The following ATP6V1C1 variants were observed in gnomAD, a reference collection of about 807,000 sequenced individuals.
ATP6V1C1 encodes ATPase H+ transporting V1 subunit C1, also known as V-type proton ATPase subunit C 1.
In ATP6V1C1, 45 loss-of-function variants were observed where a neutral mutation model predicts 53.9. The observed-to-expected ratio is 0.83, with a 90% CI of 0.66 to 1.07. The LOEUF (loss-of-function observed/expected upper bound fraction) is 1.07. Among genes scored for constraint, ATP6V1C1 ranks in the 50% least tolerant of loss-of-function variants. The pLI, the probability that ATP6V1C1 is intolerant of heterozygous loss-of-function variation, is 0.00. For synonymous variants in ATP6V1C1, 153 were observed against 155.2 expected (o/e 0.99, Z 0.11); for missense variants, 315 against 440.3 (o/e 0.72, Z 2.55).
intron 8 of ATP6V1C1, among the ~76,000 whole-genome samples, chr8:103,061,655 C>T (rs1817400293): frequency 6.6e-6 from 1 of 152,084 alleles, no homozygotes; most frequent in South Asian, 2.1e-4. Context: ...TGCGTATGTC[C>T]ACACTTCAGA....
At chr8:103,055,762 A>C (rs984958463) in intron 7 of ATP6V1C1, 106 bp from the exon 8 acceptor site, 4 of 1,028,870 alleles carry the variant, frequency 3.9e-6, no homozygotes, top group Non-Finnish European at 5.7e-6. Context: ...AAGTATACTT[A>C]CTATAGCCAG....
chr8:103,024,773 T>A (rs551083827), intron 1 of ATP6V1C1, among the ~76,000 whole-genome samples: 6 of 152,328 alleles, frequency 3.9e-5, no homozygotes, highest in South Asian at 2.1e-4. Flanking sequence ...TTGACATGAG[T>A]GATTCTTGGA....
intron 1 of ATP6V1C1, among the ~76,000 whole-genome samples, chr8:103,031,702 A>G (rs1016384963): frequency 3.3e-5 from 5 of 152,190 alleles, no homozygotes; most frequent in Non-Finnish European, 7.3e-5. Flanking sequence ...TCTGGGGAGG[A>G]CAGACATCCA....
At chr8:103,031,660 A>G (rs1236345749) in intron 1 of ATP6V1C1, among the ~76,000 whole-genome samples, 2 of 152,218 alleles carry the variant, frequency 1.3e-5, no homozygotes, top group Non-Finnish European at 2.9e-5. Flanking sequence ...ACCAGGCCCC[A>G]GCTCCAACAT....
At chr8:103,042,511 G>T in intron 3 of ATP6V1C1, 104 bp downstream of exon 3, 1 of 1,188,074 alleles carries the variant, frequency 8.4e-7, no homozygotes, top group Non-Finnish European at 1.2e-6. Context: ...TTATTGGAAT[G>T]GTTTTAGAAA....
At chr8:103,051,226 T>C in intron 5 of ATP6V1C1, 82 bp downstream of exon 5, 1 of 1,084,664 alleles carries the variant, frequency 9.2e-7, no homozygotes, top group Non-Finnish European at 1.3e-6. Flanking sequence ...GAAATACTTT[T>C]TAGGTTTTGA....
intron 5 of ATP6V1C1, among the ~76,000 whole-genome samples, chr8:103,051,473 G>C (rs1817198222): frequency 6.6e-6 from 1 of 152,088 alleles, no homozygotes; most frequent in African/African-American, 2.4e-5. Flanking sequence ...AGATTTCTTA[G>C]TCATTCAGGT....
At chr8:103,022,416 G>T (rs368470933) in intron 1 of ATP6V1C1, among the ~76,000 whole-genome samples, 1 of 152,218 alleles carries the variant, frequency 6.6e-6, no homozygotes, top group East Asian at 1.9e-4. Context: ...ACTTATTCAT[G>T]CAAATAATGT....
intron 1 of ATP6V1C1, among the ~76,000 whole-genome samples, chr8:103,031,565 A>G (rs962625296): frequency 2.0e-5 from 3 of 152,102 alleles, no homozygotes; most frequent in Non-Finnish European, 4.4e-5. Context: ...TTCTCTTTTT[A>G]ACAATCAGAT....
intron 1 of ATP6V1C1, among the ~76,000 whole-genome samples, chr8:103,031,983 T>C (rs900617279): frequency 2.0e-5 from 3 of 150,390 alleles, no homozygotes; most frequent in Admixed American, 2.0e-4. Context: ...TTTCACATGC[T>C]ACAGAAAGCA....
At position 103,042,417 on chromosome 8, in the gene ATP6V1C1, TTA is replaced by T; in HGVS notation, c.200+14_200+15del. Reference sequence around the variant, plus strand: ...ATGCATTTGTAGAAGGGTAATGTACTTATATGCATGGAGTAGAGCAAAATGGG... The same window carrying T: ...ATGCATTTGTAGAAGGGTAATGTACTTATGCATGGAGTAGAGCAAAATGGG... On this transcript the variant is annotated intron_variant, in intron 3 of 12. Transcript: ENST00000518738. The T allele has an allele frequency of 6.2e-7, 1 of 1,613,338 alleles. No homozygotes were observed. Among genetic ancestry groups the T allele is most frequent in the East Asian group, 2.2e-5 (1 of 44,854 alleles).
intron 7 of ATP6V1C1, among the ~76,000 whole-genome samples, chr8:103,054,336 C>T (rs184848699): frequency 8.9e-4 from 135 of 151,974 alleles, no homozygotes; most frequent in African/African-American, 3.2e-3. Context: ...ATCTTTATGA[C>T]TGGTTAGGTT....
At position 103,064,774 on chromosome 8, in the gene ATP6V1C1, G is replaced by A. The variant is rs750239629; in HGVS notation, c.889G>A (p.Val297Met). The A allele has an allele frequency of 6.2e-7, 1 of 1,613,436 alleles. No individual in the cohort carries two copies. Among genetic ancestry groups the A allele is most frequent in the South Asian group, 1.1e-5 (1 of 90,982 alleles). ...TGAAGCATTTATTGCATGGATTCAC[G>A]TGAAAGCATTACGGGTTTTCGTTGA... ...FSEAFIAWIH[V>M]KALRVFVESV... Residue 297 changes from valine (V) to methionine (M), a missense_variant, in exon 11 of 13, where the codon GTG becomes ATG. By Grantham distance (21) the Val-to-Met change is conservative. Transcript: ENST00000518738.
At chr8:103,055,829 T>C in intron 7 of ATP6V1C1, 39 bp from the exon 8 acceptor site, 2 of 1,581,216 alleles carry the variant, frequency 1.3e-6, no homozygotes, top group South Asian at 1.1e-5. Flanking sequence ...AAATAGGACT[T>C]GTTTTTCTTT....
At chr8:103,032,926 A>G (rs1816824111) in intron 1 of ATP6V1C1, among the ~76,000 whole-genome samples, 1 of 152,254 alleles carries the variant, frequency 6.6e-6, no homozygotes, top group South Asian at 2.1e-4. Flanking sequence ...CCAAACCAGT[A>G]GTAACAATCC....
At chr8:103,049,923 C>CTCTA (rs1817171477) in intron 4 of ATP6V1C1, among the ~76,000 whole-genome samples, 1 of 151,992 alleles carries the variant, frequency 6.6e-6, no homozygotes, top group Non-Finnish European at 1.5e-5. Flanking sequence ...TACCACTGTA[C>CTCTA]TCTAGTCTGG....
At chr8:103,047,737 T>C (rs1040434608) in intron 3 of ATP6V1C1, among the ~76,000 whole-genome samples, 2 of 152,214 alleles carry the variant, frequency 1.3e-5, no homozygotes, top group African/African-American at 4.8e-5. Context: ...TTTCCACCTC[T>C]TATCATGACT....
At chr8:103,026,360 G>T (rs925937028) in intron 1 of ATP6V1C1, among the ~76,000 whole-genome samples, 27 of 152,172 alleles carry the variant, frequency 1.8e-4, no homozygotes, top group African/African-American at 6.0e-4. Context: ...TAAAAAAATT[G>T]TAGTTGATAA....
intron 1 of ATP6V1C1, among the ~76,000 whole-genome samples, chr8:103,033,277 A>G (rs1211412218): frequency 6.6e-6 from 1 of 152,208 alleles, no homozygotes; most frequent in Non-Finnish European, 1.5e-5. Flanking sequence ...AGGTGTATAC[A>G]TTTGTCAAAA....
Sources: gnomAD v4.1 joint callset for allele counts (sites outside exome capture counted in the v4.1 genomes callset) on GRCh38, gnomAD v4.1.1 for gene constraint, MANE v1.5 for transcripts, NCBI Gene and HGNC (gene_info 2026-07-23, HGNC 2026-07-21) for gene names.